Variants in DLGAP2 observed in about 807,000 individuals in gnomAD.
DLGAP2 encodes the protein disks large-associated protein 2.
Under a neutral mutation model 100.3 loss-of-function variants are expected in DLGAP2, and 26 were observed. The observed-to-expected ratio is 0.26, with a 90% CI of 0.19 to 0.36. The LOEUF (loss-of-function observed/expected upper bound fraction) is 0.36. Ranked by LOEUF, DLGAP2 falls within the 10% of genes least tolerant of loss-of-function variation. The pLI is 1.00. For synonymous variants in DLGAP2, 886 were observed against 630.1 expected, an observed-to-expected ratio of 1.41 and a Z score of -6.08; for missense variants, 1,858 against 1,453.2, an observed-to-expected ratio of 1.28 and a Z score of -4.53.
At position 1,660,006 on chromosome 8, in the gene DLGAP2, G is replaced by C. The variant is rs1452541851; in HGVS notation, c.1811-8323G>C. ...CAGTTTTTCCTTTCCATGTTTAGTGGTTCATTCGGGAGCTCTTATAAGGCA... is the reference window on the plus strand; with the variant it reads ...CAGTTTTTCCTTTCCATGTTTAGTGCTTCATTCGGGAGCTCTTATAAGGCA... On this transcript the variant is annotated intron_variant, in intron 8 of 14. Coordinates refer to ENST00000637795, the MANE Select transcript of DLGAP2 (RefSeq NM_001346810.2). Among the ~76,000 whole-genome samples, 7 of 152,096 alleles carry C rather than the reference G, an allele frequency of 4.6e-5. 1 individual carries two copies. Among genetic ancestry groups the C allele is most frequent in the African/African-American group, 1.4e-4 (6 of 41,390 alleles).
chr8:1,008,641 C>G (rs1801189144), intron 2 of DLGAP2, among the ~76,000 whole-genome samples: 1 of 152,216 alleles, frequency 6.6e-6, no homozygotes, highest in African/African-American at 2.4e-5. Context: ...TTGCATGGTT[C>G]TTACTGTGCC....
At position 815,345 on chromosome 8, in the gene DLGAP2, G is replaced by A. The variant is rs909465948; in HGVS notation, c.18+77520G>A. Among the ~76,000 whole-genome samples the A allele has an allele frequency of 4.6e-5, 7 of 152,302 alleles. No homozygotes were observed. The South Asian group carries it at 1.0e-3, about 23-fold the overall frequency. Reference sequence around the variant, plus strand: ...ACCCTGTTCCCTCAAGCCTTTTTAGGAGGGCCTTAGCCCATCTGTGGAGGC... The same window carrying A: ...ACCCTGTTCCCTCAAGCCTTTTTAGAAGGGCCTTAGCCCATCTGTGGAGGC... On this transcript the variant is annotated intron_variant, in intron 1 of 14. Transcript: ENST00000637795.
At chr8:1,451,587 C>G (rs752456737) in intron 3 of DLGAP2, among the ~76,000 whole-genome samples, 1 of 152,132 alleles carries the variant, frequency 6.6e-6, no homozygotes, top group Non-Finnish European at 1.5e-5. Context: ...GGTACCTGTT[C>G]CGCCTCCATC....
rs575706744 is a variant in DLGAP2 at position 1,357,746 on chromosome 8, C to T, written c.106+98863C>T. ...CACCACACCAGAAGCCTCCAGCAAG[C>T]GCTGTGTTCTGCTGTGGTTCTGAGC... is the stretch of plus-strand genomic sequence containing the variant. On this transcript the variant is annotated intron_variant, in intron 3 of 14. Transcript: ENST00000637795. Among the ~76,000 whole-genome samples, 306 of 152,334 alleles carry T rather than the reference C, an allele frequency of 2.0e-3. 3 individuals are homozygous for T. Among genetic ancestry groups the T allele is most frequent in the African/African-American group, 7.2e-3 (298 of 41,582 alleles).
chr8:755,450 C>G (rs778630432), intron 1 of DLGAP2, among the ~76,000 whole-genome samples: 5 of 152,124 alleles, frequency 3.3e-5, no homozygotes, highest in Non-Finnish European at 5.9e-5. Flanking sequence ...GAGCAAGACC[C>G]TGTCTCAAAA....
At chr8:1,523,098 C>T (rs1263313997) in intron 4 of DLGAP2, among the ~76,000 whole-genome samples, 1 of 152,204 alleles carries the variant, frequency 6.6e-6, no homozygotes, top group Non-Finnish European at 1.5e-5. Context: ...GCCCGTGCGG[C>T]ATCTCCTGGG....
intron 3 of DLGAP2, among the ~76,000 whole-genome samples, chr8:1,377,713 C>G (rs1795991560): frequency 6.6e-6 from 1 of 152,186 alleles, no homozygotes; most frequent in Admixed American, 6.5e-5. Context: ...CAGCTCCCTC[C>G]TGTCTCCTCC....
At chr8:1,489,806 T>C (rs1473343732) in intron 3 of DLGAP2, among the ~76,000 whole-genome samples, 1 of 152,206 alleles carries the variant, frequency 6.6e-6, no homozygotes, top group Non-Finnish European at 1.5e-5. Context: ...TCAATAACAC[T>C]TAGAAGCTTT....
intron 6 of DLGAP2, among the ~76,000 whole-genome samples, chr8:1,626,377 G>C (rs1344039926): frequency 1.7e-5 from 2 of 119,160 alleles, no homozygotes; most frequent in Non-Finnish European, 3.5e-5. Flanking sequence ...TCAGCCTCTG[G>C]GTGTGGGTTG....
intron 3 of DLGAP2, among the ~76,000 whole-genome samples, chr8:1,325,674 C>G (rs921232157): frequency 2.6e-5 from 4 of 152,206 alleles, no homozygotes; most frequent in African/African-American, 9.6e-5. Context: ...TGGCGGGGTT[C>G]TCATTATTCC....
intron 2 of DLGAP2, among the ~76,000 whole-genome samples, chr8:1,046,605 C>G (rs1451315121): frequency 6.6e-6 from 1 of 152,192 alleles, no homozygotes; most frequent in Non-Finnish European, 1.5e-5. Context: ...TCCCCATAAC[C>G]CAGATGCTGT....
At chr8:1,625,518 C>T (rs184426855) in intron 6 of DLGAP2, among the ~76,000 whole-genome samples, 58 of 152,302 alleles carry the variant, frequency 3.8e-4, no homozygotes, top group Non-Finnish European at 6.5e-4. Flanking sequence ...TTTCATTTAG[C>T]CTACTCCTCC....
At position 889,634 on chromosome 8, in the gene DLGAP2, T is replaced by A. The variant is rs151015221; in HGVS notation, c.19-18278T>A. ...TTGGGACCAAGCCATTCAGCTTCCC[T>A]GGCTCCAGTAGGGGAAGAGCGCAGC... On this transcript the variant is annotated intron_variant, in intron 1 of 14. Transcript: ENST00000637795. Among the ~76,000 whole-genome samples, 257 of 152,348 alleles carry A rather than the reference T, an allele frequency of 1.7e-3. 1 individual carries two copies. The highest frequency in any genetic ancestry group is 3.4e-3 in the Middle Eastern group (1 of 294).
At chr8:1,259,317 G>GATGAACATTAGGTGACCTA (rs1181417990) in intron 3 of DLGAP2, among the ~76,000 whole-genome samples, 1 of 152,258 alleles carries the variant, frequency 6.6e-6, no homozygotes, top group East Asian at 1.9e-4. Flanking sequence ...GGCTGTGAGT[G>GATGAACATTAGGTGACCTA]ATGTTCATCA....
chr8:825,728 T>C (rs1247678349), intron 1 of DLGAP2, among the ~76,000 whole-genome samples: 2 of 152,218 alleles, frequency 1.3e-5, no homozygotes, highest in African/African-American at 2.4e-5. Flanking sequence ...TCATATTAGG[T>C]GTATTTATTT....
chr8:1,531,012 A>G (rs1800971897), intron 4 of DLGAP2, among the ~76,000 whole-genome samples: 1 of 152,232 alleles, frequency 6.6e-6, no homozygotes, highest in Non-Finnish European at 1.5e-5. Context: ...TTGTTTTCTA[A>G]CATTCCTCAC....
chr8:931,487 C>T (rs971287832), intron 2 of DLGAP2, among the ~76,000 whole-genome samples: 1 of 152,184 alleles, frequency 6.6e-6, no homozygotes, highest in Non-Finnish European at 1.5e-5. Context: ...GGATTCCTGG[C>T]CCTTCTGTTA....
intron 3 of DLGAP2, among the ~76,000 whole-genome samples, chr8:1,314,818 C>G (rs778161192): frequency 6.6e-6 from 1 of 152,242 alleles, no homozygotes; most frequent in Non-Finnish European, 1.5e-5. Flanking sequence ...GAAGGATACA[C>G]ACAGGATTGA....
At chr8:1,145,508 C>T (rs1292622574) in intron 2 of DLGAP2, among the ~76,000 whole-genome samples, 1 of 152,006 alleles carries the variant, frequency 6.6e-6, no homozygotes, top group Non-Finnish European at 1.5e-5. Context: ...CGTCAACAGA[C>T]CCCTCTCCTC....
Sources: gnomAD v4.1 joint callset for allele counts (sites outside exome capture counted in the v4.1 genomes callset) on GRCh38, gnomAD v4.1.1 for gene constraint, MANE v1.5 for transcripts, NCBI Gene and HGNC (gene_info 2026-07-23, HGNC 2026-07-21) for gene names.